The following ZBTB20 variants were observed in gnomAD, a reference collection of about 807,000 sequenced individuals.
ZBTB20 encodes zinc finger and BTB domain containing 20.
In ZBTB20, 9 loss-of-function variants were observed where a neutral mutation model predicts 56.9. The observed-to-expected ratio is 0.16, with a 90% CI of 0.10 to 0.28. The LOEUF is 0.28. ZBTB20 is among the 10% of genes least tolerant of loss of function. The pLI, the probability that ZBTB20 is intolerant of heterozygous loss-of-function variation, is 1.00. For missense variants in ZBTB20, 655 were observed against 1,003.0 expected (o/e 0.65, Z 4.69); for synonymous variants, 417 against 420.7 (o/e 0.99, Z 0.11).
intron 5 of ZBTB20, among the ~76,000 whole-genome samples, chr3:114,737,819 T>A (rs1014024124): frequency 1.3e-5 from 2 of 152,206 alleles, no homozygotes; most frequent in African/African-American, 4.8e-5. Flanking sequence ...ATCACTCTAC[T>A]CTGCTGGAAA....
At chr3:115,045,012 A>G (rs1231946792) in intron 2 of ZBTB20, among the ~76,000 whole-genome samples, 1 of 152,210 alleles carries the variant, frequency 6.6e-6, no homozygotes, top group Non-Finnish European at 1.5e-5. Context: ...CTCTTTAAAC[A>G]TCAATCGCAG....
Position 115,070,137 on chromosome 3 carries a change from G to C in ZBTB20, c.-507+1082C>G, listed in dbSNP as rs115198364. ...TATTTAAACTCAATGACAGCTTAAA[G>C]GTACTTGGAAAGCAAACTGAATGAG... On this transcript the variant is annotated intron_variant, in intron 2 of 11. Transcript: ENST00000675478. Among the ~76,000 whole-genome samples the C allele has an allele frequency of 2.3e-3, 351 of 152,150 alleles. 2 individuals carry two copies. The highest frequency in any genetic ancestry group is 8.3e-3 in the African/African-American group (344 of 41,520).
chr3:114,971,668 G>T (rs1473596609), intron 3 of ZBTB20, among the ~76,000 whole-genome samples: 2 of 152,186 alleles, frequency 1.3e-5, no homozygotes, highest in Non-Finnish European at 2.9e-5. Flanking sequence ...ACTGGTGTAT[G>T]AGAAGAATGG....
At chr3:114,579,540 A>AC (rs1284205272) in intron 6 of ZBTB20, among the ~76,000 whole-genome samples, 5 of 151,428 alleles carry the variant, frequency 3.3e-5, no homozygotes, top group Non-Finnish European at 1.5e-5. Context: ...GCCTAAAAAT[A>AC]TAAAAAAAAA....
At chr3:114,916,434 T>C (rs935560023) in intron 3 of ZBTB20, among the ~76,000 whole-genome samples, 2 of 152,122 alleles carry the variant, frequency 1.3e-5, no homozygotes, top group Non-Finnish European at 2.9e-5. Flanking sequence ...ATTACGTACA[T>C]ACCAGTAGTA....
chr3:114,329,135 G>A lies in ZBTB20; in HGVS notation c.*9870C>T, dbSNP rs547672478. On this transcript the variant is annotated 3_prime_UTR_variant, in exon 12 of 12. Coordinates refer to ENST00000675478, the MANE Select transcript of ZBTB20 (RefSeq NM_001348800.3). ...GCTTCACAACTGAAGAGCATTGCAG[G>A]GAGCTTGGCTAAGGTGAAAAGGGAC... The A allele has an allele frequency of 6.6e-6, 1 of 152,312 alleles. No individual in the cohort carries two copies. The highest frequency in any genetic ancestry group is 2.1e-4 in the South Asian group (1 of 4,824). 9.4% of individuals were successfully genotyped at this position (152,312 alleles called of 1,614,324 possible).
chr3:114,444,696 T>C (rs1312218276), intron 7 of ZBTB20, among the ~76,000 whole-genome samples: 2 of 152,146 alleles, frequency 1.3e-5, no homozygotes, highest in African/African-American at 4.8e-5. Flanking sequence ...ATATCATTTC[T>C]TAATCTGTTG....
chr3:114,792,045 A>C (rs2070995138), intron 5 of ZBTB20: 1 of 152,104 alleles, frequency 6.6e-6, no homozygotes, highest in Non-Finnish European at 1.5e-5. Context: ...ATTGTTCCTG[A>C]GAAACGTGTG....
At chr3:114,404,782 T>G (rs531991114) in intron 7 of ZBTB20, among the ~76,000 whole-genome samples, 8 of 152,262 alleles carry the variant, frequency 5.3e-5, no homozygotes, top group African/African-American at 1.9e-4. Flanking sequence ...TGGTTACCCA[T>G]GACTCGCTCT....
At chr3:115,128,793 G>A (rs986088986) in intron 1 of ZBTB20, among the ~76,000 whole-genome samples, 1 of 151,396 alleles carries the variant, frequency 6.6e-6, no homozygotes, top group Non-Finnish European at 1.5e-5. Flanking sequence ...AGCAAAGACT[G>A]TTGTTCCTTT....
At chr3:114,853,063 T>A (rs1193856646) in intron 4 of ZBTB20, among the ~76,000 whole-genome samples, 1 of 152,216 alleles carries the variant, frequency 6.6e-6, no homozygotes, top group Non-Finnish European at 1.5e-5. Flanking sequence ...CTCCTGAAGG[T>A]GATCAACAGT....
At chr3:114,545,238 TA>T (rs1326701493) in intron 6 of ZBTB20, among the ~76,000 whole-genome samples, 1 of 152,220 alleles carries the variant, frequency 6.6e-6, no homozygotes, top group African/African-American at 2.4e-5. Flanking sequence ...TGTATATGAC[TA>T]AAAGAGCTGC....
intron 3 of ZBTB20, among the ~76,000 whole-genome samples, chr3:114,914,078 T>C (rs2075648265): frequency 6.6e-6 from 1 of 152,032 alleles, no homozygotes; most frequent in African/African-American, 2.4e-5. Flanking sequence ...TGGTTTCCTA[T>C]AAATTTTATA....
chr3:114,609,434 T>G (rs978133996), intron 6 of ZBTB20, among the ~76,000 whole-genome samples: 6 of 152,210 alleles, frequency 3.9e-5, no homozygotes, highest in Admixed American at 2.0e-4. Context: ...TAAACAGGCC[T>G]AGATTAAAAA....
chr3:114,803,829 C>A (rs1451083521), intron 4 of ZBTB20, among the ~76,000 whole-genome samples: 4 of 67,134 alleles, frequency 6.0e-5, no homozygotes, highest in African/African-American at 1.1e-4. Context: ...CTGAACCCAC[C>A]TTTAAAATAG....
intron 6 of ZBTB20, among the ~76,000 whole-genome samples, chr3:114,577,972 A>G (rs1036044491): frequency 9.2e-5 from 14 of 152,326 alleles, no homozygotes; most frequent in African/African-American, 3.1e-4. Flanking sequence ...AAGAAAATCA[A>G]TAATTGTAAC....
At chr3:114,878,641 A>C (rs1035134311) in intron 4 of ZBTB20, among the ~76,000 whole-genome samples, 32 of 151,956 alleles carry the variant, frequency 2.1e-4, no homozygotes, top group Admixed American at 1.1e-3. Context: ...AAGTAAATTC[A>C]CATACTCTGT....
At chr3:114,464,851 T>C (rs982828791) in intron 7 of ZBTB20, among the ~76,000 whole-genome samples, 2 of 152,280 alleles carry the variant, frequency 1.3e-5, no homozygotes, top group Middle Eastern at 3.4e-3. Context: ...CCCTAGAGCA[T>C]TGAGTGCCAC....
intron 6 of ZBTB20, among the ~76,000 whole-genome samples, chr3:114,552,107 CAG>C (rs2050661624): frequency 6.6e-6 from 1 of 152,070 alleles, no homozygotes; most frequent in Non-Finnish European, 1.5e-5. Context: ...CTCAGCTACT[CAG>C]GGGGTGAGGT....
Sources: allele counts gnomAD v4.1 joint callset (sites outside exome capture counted in the v4.1 genomes callset), GRCh38; gene constraint gnomAD v4.1.1; transcripts MANE v1.5; gene names NCBI Gene and HGNC (gene_info 2026-07-23, HGNC 2026-07-21).